ERG: variants seen among roughly 807,000 people sequenced by gnomAD.
The protein encoded by ERG is ETS transcription factor ERG, also known as transcriptional regulator ERG.
In ERG, 9 loss-of-function variants were observed where a neutral mutation model predicts 55.3. That is an observed-to-expected ratio of 0.16 (90% CI 0.10 to 0.28). The LOEUF (loss-of-function observed/expected upper bound fraction) is 0.28. Among genes scored for constraint, ERG ranks in the 10% least tolerant of loss-of-function variants. ERG has a pLI of 1.00. For synonymous variants in ERG, 223 were observed against 237.3 expected (o/e 0.94, Z 0.55); for missense variants, 434 against 631.6 (o/e 0.69, Z 3.35).
intron 1 of ERG, among the ~76,000 whole-genome samples, chr21:38,590,110 G>A (rs2060090924): frequency 6.6e-6 from 1 of 152,186 alleles, no homozygotes; most frequent in South Asian, 2.1e-4. Context: ...CTATTACCAT[G>A]ATAAGTGGCC....
chr21:38,522,263 C>T (rs1206974816), intron 2 of ERG, among the ~76,000 whole-genome samples: 1 of 150,406 alleles, frequency 6.6e-6, no homozygotes, highest in African/African-American at 2.4e-5. Flanking sequence ...GAGATTTGTA[C>T]TTTTTCTCAA....
At chr21:38,555,380 G>T (rs28625265) in intron 2 of ERG, among the ~76,000 whole-genome samples, 1 of 151,576 alleles carries the variant, frequency 6.6e-6, no homozygotes, top group East Asian at 1.9e-4. Context: ...AATAGTTTTG[G>T]TTTTTTTCTC....
chr21:38,504,081 G>GAAATAATCC (rs1244899655), intron 2 of ERG, among the ~76,000 whole-genome samples: 3 of 152,144 alleles, frequency 2.0e-5, no homozygotes, highest in African/African-American at 7.2e-5. Context: ...AGCACATTAA[G>GAAATAATCC]AAATAATCCA....
At chr21:38,599,305 G>T (rs1313485693) in intron 1 of ERG, among the ~76,000 whole-genome samples, 1 of 151,248 alleles carries the variant, frequency 6.6e-6, no homozygotes, top group Non-Finnish European at 1.5e-5. Context: ...GTGTACCAGG[G>T]TGAAGCTAGG....
At chr21:38,593,967 GA>G (rs146741446) in intron 1 of ERG, among the ~76,000 whole-genome samples, 5,275 of 151,674 alleles carry the variant, frequency 0.035, 295 homozygotes, top group African/African-American at 0.12. Context: ...GAAAAAAGAA[GA>G]AAAAATATTT....
At chr21:38,400,017 T>C (rs538793614) in intron 6 of ERG, 1 of 223,872 alleles carries the variant, frequency 4.5e-6, no homozygotes, top group Admixed American at 5.2e-5. Context: ...TTCATCTATA[T>C]ATTCCCAGAG....
Position 38,640,744 on chromosome 21 carries a change from G to A in ERG, c.-150+20914C>T, listed in dbSNP as rs546516717. Among the ~76,000 whole-genome samples, 34 of 152,098 alleles carry A rather than the reference G, an allele frequency of 2.2e-4. No homozygotes were observed. The South Asian group carries it at 2.3e-3, about 10-fold the overall frequency. ...CAGTCTCAGGTACATCTTTATCAGC[G>A]GTGTGAAAATGGACTAATACAAAGT... On this transcript the variant is annotated intron_variant, in intron 1 of 10. Coordinates refer to the ERG transcript ENST00000398910.
Position 38,498,440 on chromosome 21 carries a change from AC to A in ERG, c.-61del. ...TAATAATAATTATTGCTTCTCTCTGACCAGAAAGTAGTTTTGATGAGGTTGT... is the reference window on the plus strand; with the variant it reads ...TAATAATAATTATTGCTTCTCTCTGACAGAAAGTAGTTTTGATGAGGTTGT... On this transcript the variant is annotated 5_prime_UTR_variant, in exon 1 of 10. Transcript: ENST00000288319. This position sits in a 1 kb window ranked among gnomAD's most constrained non-coding sequence, Gnocchi z 4.6. The A allele has an allele frequency of 1.9e-6, 3 of 1,593,350 alleles. No homozygotes were observed. In the South Asian group the frequency reaches 3.5e-5, roughly 18 times the overall value.
At chr21:38,399,523 A>C (rs1988385140) in intron 6 of ERG, among the ~76,000 whole-genome samples, 1 of 152,226 alleles carries the variant, frequency 6.6e-6, no homozygotes, top group African/African-American at 2.4e-5. Context: ...CCCTGAACAC[A>C]ATGTCATCAG....
At chr21:38,588,434 C>T (rs1054478037), upstream of ERG, among the ~76,000 whole-genome samples, 4 of 152,106 alleles carry the variant, frequency 2.6e-5, no homozygotes, top group African/African-American at 9.7e-5. Flanking sequence ...GAAGAAGGCA[C>T]CAGATCATCA....
At chr21:38,447,067 C>T (rs2058898952) in intron 1 of ERG, among the ~76,000 whole-genome samples, 1 of 151,988 alleles carries the variant, frequency 6.6e-6, no homozygotes, top group Admixed American at 6.6e-5. Flanking sequence ...CCTCTCCACC[C>T]AGAAGGATCA....
intron 2 of ERG, among the ~76,000 whole-genome samples, chr21:38,508,036 A>ACACACACGCACATGCACACACAC (rs1601158928): frequency 3.7e-3 from 1 of 268 alleles, no homozygotes; most frequent in Non-Finnish European, 6.3e-3. Context: ...CATGCACACA[A>ACACACACGCACATGCACACACAC]AGACAGACAC....
intron 1 of ERG, among the ~76,000 whole-genome samples, chr21:38,637,386 G>A (rs1435305291): frequency 2.0e-5 from 3 of 152,168 alleles, no homozygotes; most frequent in Non-Finnish European, 4.4e-5. Flanking sequence ...GTTCAAAATA[G>A]TCTTTCTACT....
chr21:38,515,169 T>C (rs1460579446), intron 2 of ERG, among the ~76,000 whole-genome samples: 3 of 151,992 alleles, frequency 2.0e-5, no homozygotes, highest in East Asian at 3.9e-4. Context: ...ATAGATTCAA[T>C]GCAGATGCAT....
Position 38,383,947 on chromosome 21 carries a change from A to G in ERG, c.920-24T>C. The stretch of plus-strand genomic sequence containing the variant: ...GCCTAATGAGGTCAGGAGAGGAAGG[A>G]AAACTCCAGTGAGCACAGGTTCCAG... On this transcript the variant is annotated intron_variant, in intron 9 of 9. Coordinates refer to ENST00000288319, the MANE Select transcript of ERG (RefSeq NM_182918.4). The surrounding 1 kb of genome is among the most constrained non-coding windows in gnomAD (Gnocchi z 5.7). The G allele has an allele frequency of 6.3e-7, 1 of 1,597,092 alleles. No individual in the cohort carries two copies. Among genetic ancestry groups the G allele is most frequent in the Non-Finnish European group, 8.5e-7 (1 of 1,171,262 alleles).
chr21:38,660,997 A>AGAGGAGGAGGAAGAGGAGGAGGCG (rs1272092787), intron 1 of ERG, among the ~76,000 whole-genome samples: 5 of 151,840 alleles, frequency 3.3e-5, no homozygotes, highest in South Asian at 4.2e-4. Context: ...TCCGGGAGGA[A>AGAGGAGGAGGAAGAGGAGGAGGCG]GAGGAGGAGG....
chr21:38,493,376 A>G (rs2059353003), intron 1 of ERG, among the ~76,000 whole-genome samples: 1 of 152,216 alleles, frequency 6.6e-6, no homozygotes, highest in Non-Finnish European at 1.5e-5. Flanking sequence ...TGAGAAGAGC[A>G]GGACAGGTAG....
chr21:38,659,604 C>T (rs1267687539), intron 1 of ERG, among the ~76,000 whole-genome samples: 1 of 152,220 alleles, frequency 6.6e-6, no homozygotes, highest in Non-Finnish European at 1.5e-5. Flanking sequence ...TATTTTTACT[C>T]ACATTGAAAG....
At chr21:38,537,641 GT>G (rs2059721101) in intron 2 of ERG, among the ~76,000 whole-genome samples, 1 of 152,132 alleles carries the variant, frequency 6.6e-6, no homozygotes, top group African/African-American at 2.4e-5. Context: ...GTAGCCATTA[GT>G]ATGACTATTA....
Sources: gnomAD v4.1 joint callset for allele counts (sites outside exome capture counted in the v4.1 genomes callset) on GRCh38, gnomAD v4.1.1 for gene constraint, Gnocchi (gnomAD v3.1) non-coding constraint, MANE v1.5 for transcripts, NCBI Gene and HGNC (gene_info 2026-07-23, HGNC 2026-07-21) for gene names.